Variants in PTPRD observed in about 807,000 individuals in gnomAD.
PTPRD encodes the protein receptor-type tyrosine-protein phosphatase delta.
In PTPRD, 34 loss-of-function variants were observed where a neutral mutation model predicts 214.5. The observed-to-expected ratio is 0.16, with a 90% CI of 0.12 to 0.21. PTPRD has a LOEUF of 0.21. PTPRD is among the 10% of genes least tolerant of loss of function. The pLI, the probability that PTPRD is intolerant of heterozygous loss-of-function variation, is 1.00. For missense variants in PTPRD, 2,545 were observed against 2,398.7 expected, an observed-to-expected ratio of 1.06 and a Z score of -1.27; for synonymous variants, 1,128 against 845.7, an observed-to-expected ratio of 1.33 and a Z score of -5.79.
chr9:10,280,632 C>G (rs77175961), intron 3 of PTPRD, among the ~76,000 whole-genome samples: 4,953 of 152,162 alleles, frequency 0.033, 289 homozygotes, highest in African/African-American at 0.11. Context: ...GAGACAGGCT[C>G]TTACTCTGTC....
chr9:10,551,007 A>G (rs1194079490), intron 2 of PTPRD, among the ~76,000 whole-genome samples: 2 of 152,190 alleles, frequency 1.3e-5, no homozygotes, highest in African/African-American at 4.8e-5. Context: ...CTCCCTTAAT[A>G]GCATGGAGAC....
chr9:9,685,977 T>G (rs2154400484), intron 7 of PTPRD, among the ~76,000 whole-genome samples: 1 of 151,474 alleles, frequency 6.6e-6, no homozygotes, highest in South Asian at 2.1e-4. Context: ...GAAGTATTGG[T>G]AACTGAAAAA....
chr9:8,801,482 T>G (rs2096569073), intron 11 of PTPRD, among the ~76,000 whole-genome samples: 1 of 152,156 alleles, frequency 6.6e-6, no homozygotes, highest in Non-Finnish European at 1.5e-5. Context: ...TCTGGGAGGC[T>G]GAGGCGGGCG....
intron 2 of PTPRD, among the ~76,000 whole-genome samples, chr9:10,389,995 T>C (rs542571747): frequency 3.8e-4 from 58 of 151,946 alleles, no homozygotes; most frequent in Admixed American, 7.2e-4. Context: ...CAGCTGATAA[T>C]TAATGAGCTC....
At chr9:10,228,737 G>A (rs1041757029) in intron 3 of PTPRD, among the ~76,000 whole-genome samples, 6 of 149,006 alleles carry the variant, frequency 4.0e-5, no homozygotes, top group African/African-American at 1.5e-4. Flanking sequence ...TTACATATAT[G>A]TTATATAATA....
intron 23 of PTPRD, among the ~76,000 whole-genome samples, chr9:8,501,991 G>T (rs1001254420): frequency 1.8e-4 from 27 of 152,076 alleles, no homozygotes; most frequent in African/African-American, 6.3e-4. Context: ...GTATCAACTG[G>T]AAAAGATATA....
intron 9 of PTPRD, among the ~76,000 whole-genome samples, chr9:9,222,024 G>C (rs2099956413): frequency 6.6e-6 from 1 of 151,968 alleles, no homozygotes; most frequent in Non-Finnish European, 1.5e-5. Flanking sequence ...CATAATAAAA[G>C]CAAGGGTTAA....
At chr9:9,803,645 A>T (rs2099055445) in intron 5 of PTPRD, 1 of 152,008 alleles carries the variant, frequency 6.6e-6, no homozygotes, top group Non-Finnish European at 1.5e-5. Context: ...TCTGCCTGGT[A>T]TACCAATGAT....
chr9:9,909,909 T>C lies in PTPRD; in HGVS notation c.-368+28598A>G, dbSNP rs145904333. Among the ~76,000 whole-genome samples the C allele has an allele frequency of 8.4e-3, 1,275 of 152,060 alleles. 21 individuals are homozygous for C. Among genetic ancestry groups the C allele is most frequent in the African/African-American group, 0.029 (1,223 of 41,514 alleles). Reference sequence around the variant, plus strand: ...TTTTTCTTTATAGTAAAGTAATACATATTCTTTGTAATACCTATAGATAGT... The same window carrying C: ...TTTTTCTTTATAGTAAAGTAATACACATTCTTTGTAATACCTATAGATAGT... On this transcript the variant is annotated intron_variant, in intron 5 of 45. Coordinates refer to ENST00000381196, the MANE Select transcript of PTPRD (RefSeq NM_002839.4).
At chr9:8,328,840 C>A (rs1300628844) in intron 44 of PTPRD, among the ~76,000 whole-genome samples, 8 of 152,034 alleles carry the variant, frequency 5.3e-5, no homozygotes, top group Non-Finnish European at 1.2e-4. Flanking sequence ...CTTGCGTATG[C>A]TTCACGAAGA....
chr9:10,588,275 T>C (rs966940480), intron 2 of PTPRD, among the ~76,000 whole-genome samples: 16 of 152,008 alleles, frequency 1.1e-4, no homozygotes, highest in African/African-American at 3.9e-4. Flanking sequence ...CTTTGTAAGG[T>C]AGTGCAAAGT....
chr9:9,584,055 G>C (rs144026351), intron 7 of PTPRD, among the ~76,000 whole-genome samples: 1 of 151,942 alleles, frequency 6.6e-6, no homozygotes, highest in Non-Finnish European at 1.5e-5. Context: ...CTGGATTTTT[G>C]TTGAAATACA....
At chr9:9,896,619 C>T (rs965680958) in intron 5 of PTPRD, among the ~76,000 whole-genome samples, 1 of 151,920 alleles carries the variant, frequency 6.6e-6, no homozygotes. Context: ...GAATATCCTC[C>T]AACGAATTAG....
At position 9,990,996 on chromosome 9, in the gene PTPRD, G is replaced by A. The variant is rs1055352079; in HGVS notation, c.-472+42722C>T. Among the ~76,000 whole-genome samples, 40 of 150,278 alleles carry A rather than the reference G, an allele frequency of 2.7e-4. 1 individual carries two copies. The highest frequency in any genetic ancestry group is 1.9e-3 in the Admixed American group (28 of 15,068). On this transcript the variant is annotated intron_variant, in intron 4 of 45. Coordinates refer to ENST00000381196, the MANE Select transcript of PTPRD (RefSeq NM_002839.4). ...GCTGCCCAGGCTGCAGTGCAGTGGC[G>A]TGATCTCGGCTCACAACAACCTCTG...
chr9:9,547,796 T>TCACACACACACACACACACACA (rs35772205), intron 8 of PTPRD, among the ~76,000 whole-genome samples: 105 of 142,474 alleles, frequency 7.4e-4, no homozygotes, highest in African/African-American at 1.5e-3. Context: ...AAACACAAAT[T>TCACACACACACACACACACACA]CACACACACA....
At chr9:10,020,475 G>GTT (rs201336638) in intron 4 of PTPRD, among the ~76,000 whole-genome samples, 6 of 124,694 alleles carry the variant, frequency 4.8e-5, no homozygotes, top group Non-Finnish European at 5.0e-5. Context: ...GCTAATTTTT[G>GTT]TTTTTTTAGT....
intron 3 of PTPRD, among the ~76,000 whole-genome samples, chr9:10,283,785 T>A (rs1479081299): frequency 6.6e-6 from 1 of 152,218 alleles, no homozygotes; most frequent in African/African-American, 2.4e-5. Context: ...AGTAAAGTCC[T>A]TTCAATCCTT....
At chr9:9,169,157 G>C (rs1347149282) in intron 10 of PTPRD, among the ~76,000 whole-genome samples, 1 of 151,804 alleles carries the variant, frequency 6.6e-6, no homozygotes, top group Non-Finnish European at 1.5e-5. Flanking sequence ...AAATCTTATA[G>C]AGCCTCTTTT....
intron 11 of PTPRD, among the ~76,000 whole-genome samples, chr9:8,734,943 A>C (rs916460238): frequency 2.0e-5 from 3 of 152,092 alleles, no homozygotes; most frequent in Non-Finnish European, 2.9e-5. Flanking sequence ...TTCTATGCAA[A>C]GGCAGGGCAG....
Sources: allele counts gnomAD v4.1 joint callset (sites outside exome capture counted in the v4.1 genomes callset), GRCh38; gene constraint gnomAD v4.1.1; transcripts MANE v1.5; gene names NCBI Gene and HGNC (gene_info 2026-07-23, HGNC 2026-07-21).